Variants in KLHL32 observed in about 807,000 individuals in gnomAD.
The protein encoded by KLHL32 is kelch-like protein 32.
A neutral mutation model predicts 64.8 loss-of-function variants in KLHL32; 35 were observed. That is an observed-to-expected ratio of 0.54 (90% CI 0.41 to 0.72). KLHL32 has a LOEUF of 0.72. KLHL32 is among the 30% of genes least tolerant of loss of function. The probability of loss-of-function intolerance (pLI) is 0.00; values close to 1 mark genes in which losing one functional copy is unlikely to be tolerated. For missense variants in KLHL32, 589 were observed against 768.5 expected, an observed-to-expected ratio of 0.77 and a Z score of 2.76; for synonymous variants, 259 against 281.0, an observed-to-expected ratio of 0.92 and a Z score of 0.78.
intron 3 of KLHL32, among the ~76,000 whole-genome samples, chr6:97,018,041 G>C (rs1781473066): frequency 6.6e-6 from 1 of 152,128 alleles, no homozygotes; most frequent in Admixed American, 6.5e-5. Flanking sequence ...CATTACCTTA[G>C]TTAATACAAA....
chr6:97,117,606 C>T lies in KLHL32; in HGVS notation c.1354+3097C>T, dbSNP rs572837093. On this transcript the variant is annotated intron_variant, in intron 7 of 10. Transcript: ENST00000369261. Reference sequence around the variant, plus strand: ...AGCATTTAATTAAAGATGTTAGAGTCGAATTGTACAGGCTCCTGTAGCGTT... The same window carrying T: ...AGCATTTAATTAAAGATGTTAGAGTTGAATTGTACAGGCTCCTGTAGCGTT... Among the ~76,000 whole-genome samples, 14 of 152,254 alleles carry T rather than the reference C, an allele frequency of 9.2e-5. No individual in the cohort carries two copies. The South Asian group carries it at 1.7e-3, about 18-fold the overall frequency.
chr6:97,048,370 G>A (rs528733943), intron 4 of KLHL32, among the ~76,000 whole-genome samples: 1 of 152,248 alleles, frequency 6.6e-6, no homozygotes, highest in East Asian at 1.9e-4. Flanking sequence ...TCTCTTGGGG[G>A]ATAGTCACCC....
chr6:97,075,295 T>G (rs1239870613), intron 5 of KLHL32, among the ~76,000 whole-genome samples: 9 of 152,216 alleles, frequency 5.9e-5, no homozygotes, highest in Non-Finnish European at 1.0e-4. Context: ...TGCATATCAA[T>G]GTTTGAATAT....
At chr6:97,059,933 A>G (rs954557929) in intron 4 of KLHL32, among the ~76,000 whole-genome samples, 2 of 152,216 alleles carry the variant, frequency 1.3e-5, no homozygotes, top group Non-Finnish European at 2.9e-5. Flanking sequence ...CAAACTATAA[A>G]GAAGGGAGGA....
intron 7 of KLHL32, among the ~76,000 whole-genome samples, chr6:97,122,575 T>C (rs374582273): frequency 6.6e-6 from 1 of 152,258 alleles, no homozygotes. Context: ...AACTTGCACT[T>C]AATGGCAGGT....
chr6:96,959,052 T>C (rs747671900), intron 1 of KLHL32, among the ~76,000 whole-genome samples: 2 of 152,150 alleles, frequency 1.3e-5, no homozygotes, highest in Non-Finnish European at 2.9e-5. Context: ...TGAAAGCAAC[T>C]TCCCAGAGAA....
At chr6:96,944,955 A>G (rs918550055) in intron 1 of KLHL32, among the ~76,000 whole-genome samples, 1 of 152,246 alleles carries the variant, frequency 6.6e-6, no homozygotes, top group African/African-American at 2.4e-5. Flanking sequence ...TTACTCTTAA[A>G]TTTATAATTC....
intron 6 of KLHL32, among the ~76,000 whole-genome samples, chr6:97,109,098 A>G (rs1202680881): frequency 6.6e-6 from 1 of 152,210 alleles, no homozygotes; most frequent in Non-Finnish European, 1.5e-5. Flanking sequence ...CTTTGTTGGA[A>G]GTGCAGACTC....
chr6:97,083,156 C>T (rs1028564187), intron 5 of KLHL32, among the ~76,000 whole-genome samples: 2 of 152,074 alleles, frequency 1.3e-5, no homozygotes, highest in African/African-American at 4.8e-5. Context: ...CTTTGGGAGG[C>T]CAAGGTGGGC....
chr6:97,085,362 C>T (rs777878782), intron 6 of KLHL32, 21 bp downstream of exon 6: 8 of 1,602,344 alleles, frequency 5.0e-6, no homozygotes, highest in Admixed American at 1.7e-5. Context: ...TGTGCACGGT[C>T]GCTTTTGGCA....
At chr6:96,949,571 TTGAC>T (rs1291950460) in intron 1 of KLHL32, among the ~76,000 whole-genome samples, 2 of 152,266 alleles carry the variant, frequency 1.3e-5, no homozygotes, top group Middle Eastern at 3.4e-3. Flanking sequence ...TATTTTCCAT[TTGAC>T]TGACTCACAG....
chr6:96,969,860 A>G (rs1386825796), intron 2 of KLHL32, among the ~76,000 whole-genome samples: 1 of 152,226 alleles, frequency 6.6e-6, no homozygotes, highest in African/African-American at 2.4e-5. Flanking sequence ...ATCAAACTAC[A>G]TATTTGACAT....
At chr6:97,089,271 G>A (rs983907733) in intron 6 of KLHL32, among the ~76,000 whole-genome samples, 5 of 152,202 alleles carry the variant, frequency 3.3e-5, no homozygotes, top group Admixed American at 2.6e-4. Flanking sequence ...ACAGCTTGTG[G>A]AAATAAAAAT....
intron 6 of KLHL32, among the ~76,000 whole-genome samples, chr6:97,091,986 T>C (rs969332564): frequency 2.8e-4 from 43 of 151,762 alleles, no homozygotes; most frequent in African/African-American, 7.7e-4. Context: ...TCTTTCTTTT[T>C]TTTTTTTTTT....
intron 3 of KLHL32, among the ~76,000 whole-genome samples, chr6:97,010,879 A>G (rs1780320075): frequency 6.6e-6 from 1 of 152,232 alleles, no homozygotes; most frequent in South Asian, 2.1e-4. Flanking sequence ...TGGACAGCAT[A>G]TTAGAAATTT....
At chr6:97,055,742 G>A (rs947119109) in intron 4 of KLHL32, among the ~76,000 whole-genome samples, 1 of 144,480 alleles carries the variant, frequency 6.9e-6, no homozygotes, top group African/African-American at 2.6e-5. Context: ...AGGTTGCAGT[G>A]GGCCGATATC....
chr6:97,132,746 A>G lies in KLHL32; in HGVS notation c.1700A>G (p.Gln567Arg). 6.2e-7 allele frequency: 1 copy of G among 1,603,958 alleles called. No individual in the cohort carries two copies. Among genetic ancestry groups the G allele is most frequent in the Non-Finnish European group, 8.5e-7 (1 of 1,173,750 alleles). Residue 567 changes from glutamine (Q) to arginine (R), a missense_variant and splice_region_variant, in exon 10 of 11, where the codon CAG becomes CGG. Transcript: ENST00000369261. ...ACAAATGAGCCTCTGGCTTGTATCC[A>G]GGTGAGTGGTAGAAGTTCCTTTTGA... is the stretch of plus-strand genomic sequence containing the variant. Reference protein sequence around the residue: ...IWTNEPLACIQVLDVSREGKE... With the variant: ...IWTNEPLACIRVLDVSREGKE...
intron 1 of KLHL32, 70 bp downstream of exon 1, chr6:96,925,096 C>T (rs1180430048): frequency 2.0e-5 from 3 of 152,384 alleles, no homozygotes; most frequent in African/African-American, 7.2e-5. Context: ...TGCTGGTGCG[C>T]CAAGTGGGGG....
chr6:97,038,367 T>C, intron 3 of KLHL32, among the ~76,000 whole-genome samples: 1 of 151,472 alleles, frequency 6.6e-6, no homozygotes, highest in African/African-American at 2.4e-5. Context: ...AAAATAGATA[T>C]TTCTTAAAAG....
Sources: allele counts gnomAD v4.1 joint callset (sites outside exome capture counted in the v4.1 genomes callset), GRCh38; gene constraint gnomAD v4.1.1; transcripts MANE v1.5; gene names NCBI Gene and HGNC (gene_info 2026-07-23, HGNC 2026-07-21).